Variants in ARL8B observed in about 807,000 individuals in gnomAD.
ARL8B encodes ADP-ribosylation factor-like protein 8B.
A neutral mutation model predicts 30.6 loss-of-function variants in ARL8B; 9 were observed. That is an observed-to-expected ratio of 0.29 (90% confidence interval 0.18 to 0.51). The LOEUF (loss-of-function observed/expected upper bound fraction) is 0.51, where lower values mean the gene tolerates loss of function less well. ARL8B is among the 20% of genes least tolerant of loss of function. The pLI is 0.97. For synonymous variants in ARL8B, 74 were observed against 76.0 expected (o/e 0.97, Z 0.14); for missense variants, 130 against 227.2 (o/e 0.57, Z 2.75).
chr3:5,140,001 T>TC (rs1205781537), intron 1 of ARL8B, among the ~76,000 whole-genome samples: 2 of 151,460 alleles, frequency 1.3e-5, no homozygotes, highest in Non-Finnish European at 2.9e-5. Context: ...TTTTTTTTTT[T>TC]TTTGAGACGG....
chr3:5,122,506 C>T lies in ARL8B; in HGVS notation c.41C>T (p.Ser14Leu). ...LISRLLDWFR[S>L]LFWKEEMELT... ...TCCCGCCTGCTGGACTGGTTCCGTTCGCTCTTCTGGAAGGAAGAGATGGAG... is the reference window on the plus strand; with the variant it reads ...TCCCGCCTGCTGGACTGGTTCCGTTTGCTCTTCTGGAAGGAAGAGATGGAG... The change falls in exon 1 of 7, where the codon TCG (serine) becomes TTG (leucine). Residue 14 changes from serine (S) to leucine (L), a missense_variant. By Grantham distance (145) the Ser-to-Leu change is moderately radical. Coordinates refer to ENST00000256496, the MANE Select transcript of ARL8B (RefSeq NM_018184.3). The T allele has an allele frequency of 6.2e-7, 1 of 1,613,752 alleles. No homozygotes were observed. The highest frequency in any genetic ancestry group is 8.5e-7 in the Non-Finnish European group (1 of 1,179,810).
intron 1 of ARL8B, among the ~76,000 whole-genome samples, chr3:5,142,203 A>G (rs1014461010): frequency 6.6e-6 from 1 of 152,148 alleles, no homozygotes; most frequent in African/African-American, 2.4e-5. Flanking sequence ...AGCCTGGGGT[A>G]TATGGAGAGC....
At chr3:5,172,571 T>C in intron 3 of ARL8B, 76 bp from the exon 4 acceptor site, 1 of 1,012,574 alleles carries the variant, frequency 9.9e-7, no homozygotes, top group Admixed American at 2.2e-5. Context: ...CTTACAAAAA[T>C]TAAAAATCAA....
intron 1 of ARL8B, among the ~76,000 whole-genome samples, chr3:5,140,182 G>A (rs1006574377): frequency 1.3e-5 from 2 of 151,992 alleles, no homozygotes; most frequent in African/African-American, 2.4e-5. Context: ...TTCTGGTATG[G>A]TTTTGCTGGG....
chr3:5,170,641 T>C lies in ARL8B; in HGVS notation c.204+58T>C, dbSNP rs563477272. On this transcript the variant is annotated intron_variant, in intron 2 of 6. Transcript: ENST00000256496. ...TGTTAGCACAGACCCCTAGAAATTT[T>C]TCTGTTAAATTTCTGTGTTTTTACT... 1.8e-3 allele frequency: 2,327 copies of C among 1,312,026 alleles called. 12 individuals carry two copies. The highest frequency in any genetic ancestry group is 2.3e-3 in the South Asian group (178 of 75,852). The allele number at this position is 1,312,026 out of a possible 1,614,324, so 81.3% of individuals were successfully genotyped here.
intron 1 of ARL8B, among the ~76,000 whole-genome samples, chr3:5,154,714 A>C (rs1187895149): frequency 4.6e-5 from 7 of 151,668 alleles, no homozygotes; most frequent in Non-Finnish European, 1.0e-4. Context: ...AGCAACCACT[A>C]TTCTACATTC....
chr3:5,158,443 A>G (rs200284574), intron 1 of ARL8B, among the ~76,000 whole-genome samples: 2 of 152,322 alleles, frequency 1.3e-5, no homozygotes, highest in African/African-American at 2.4e-5. Flanking sequence ...AAAATGCTGT[A>G]TGTGTTTTAA....
chr3:5,126,837 C>G (rs2054233729), intron 1 of ARL8B, among the ~76,000 whole-genome samples: 1 of 152,092 alleles, frequency 6.6e-6, no homozygotes, highest in African/African-American at 2.4e-5. Context: ...AAGTCATGTG[C>G]CTATATGTGT....
chr3:5,173,951 A>G (rs1375748001), intron 4 of ARL8B, 66 bp from the exon 5 acceptor site: 3 of 1,172,874 alleles, frequency 2.6e-6, no homozygotes, highest in Non-Finnish European at 3.8e-6. Context: ...TCACATATCA[A>G]GATGATAAAC....
At chr3:5,136,039 C>T (rs2054322828) in intron 1 of ARL8B, among the ~76,000 whole-genome samples, 3 of 151,700 alleles carry the variant, frequency 2.0e-5, no homozygotes, top group South Asian at 2.1e-4. Context: ...CCACCCGCCT[C>T]GGCCTCCCAA....
At position 5,174,336 on chromosome 3, in the gene ARL8B, TCTC is replaced by T; in HGVS notation, c.441-7_441-5del. On this transcript the variant is annotated splice_region_variant and splice_polypyrimidine_tract_variant and intron_variant, in intron 5 of 6. Coordinates refer to ENST00000256496, the MANE Select transcript of ARL8B (RefSeq NM_018184.3). Reference sequence around the variant, plus strand: ...AGCACAGACTTATCCTTTTAATTCTTCTCATAGGAATCTGTCTGCTATTCAGGA... The same window carrying T: ...AGCACAGACTTATCCTTTTAATTCTTATAGGAATCTGTCTGCTATTCAGGA... The T allele has an allele frequency of 3.2e-6, 5 of 1,585,998 alleles. No individual in the cohort carries two copies. Among genetic ancestry groups the T allele is most frequent in the Non-Finnish European group, 3.5e-6 (4 of 1,154,872 alleles).
At chr3:5,142,664 C>A (rs1263346888) in intron 1 of ARL8B, among the ~76,000 whole-genome samples, 1 of 152,092 alleles carries the variant, frequency 6.6e-6, no homozygotes. Context: ...ATTATTTTTA[C>A]CTTTTAGGGT....
chr3:5,159,296 T>TAAAA (rs1354068288), intron 1 of ARL8B, among the ~76,000 whole-genome samples: 1 of 45,156 alleles, frequency 2.2e-5, no homozygotes, highest in African/African-American at 1.5e-4. Flanking sequence ...TGACTCTGTC[T>TAAAA]CAAAAAAAAA....
chr3:5,141,179 CCTT>C (rs2054370609), intron 1 of ARL8B, among the ~76,000 whole-genome samples: 1 of 152,176 alleles, frequency 6.6e-6, no homozygotes, highest in Admixed American at 6.5e-5. Context: ...CTTATCATGA[CCTT>C]CTGGGTGCAT....
At position 5,170,452 on chromosome 3, in the gene ARL8B, C is replaced by T. The variant is rs189615569; in HGVS notation, c.124-51C>T. The T allele has an allele frequency of 2.2e-4, 267 of 1,215,314 alleles. 1 individual carries two copies. The African/African-American group carries it at 3.9e-3, about 18-fold the overall frequency. The allele number at this position is 1,215,314 out of a possible 1,614,324, so 75.3% of individuals were successfully genotyped here. Reference sequence around the variant, plus strand: ...GCAATGTTGATATTAGAAGTTTATGCAGTGTCATTATAAGTGAGTAGCCTA... The same window carrying T: ...GCAATGTTGATATTAGAAGTTTATGTAGTGTCATTATAAGTGAGTAGCCTA... On this transcript the variant is annotated intron_variant, in intron 1 of 6. Transcript: ENST00000256496.
intron 1 of ARL8B, among the ~76,000 whole-genome samples, chr3:5,124,937 G>C (rs2054217820): frequency 1.3e-5 from 2 of 152,210 alleles, no homozygotes; most frequent in African/African-American, 4.8e-5. Flanking sequence ...AATACAGCCA[G>C]TTGTATTTGT....
intron 1 of ARL8B, among the ~76,000 whole-genome samples, chr3:5,154,934 T>C (rs568429038): frequency 1.4e-4 from 21 of 152,298 alleles, no homozygotes; most frequent in Non-Finnish European, 2.5e-4. Flanking sequence ...GTGTTTTCAC[T>C]ATGTTGGCCA....
chr3:5,133,347 G>A (rs1020394459), intron 1 of ARL8B, among the ~76,000 whole-genome samples: 1 of 152,178 alleles, frequency 6.6e-6, no homozygotes, highest in African/African-American at 2.4e-5. Context: ...CAGCAATATA[G>A]AGACCATCCG....
At chr3:5,178,635 A>G in intron 6 of ARL8B, 29 bp from the exon 7 acceptor site, 4 of 1,584,414 alleles carry the variant, frequency 2.5e-6, no homozygotes, top group Non-Finnish European at 3.4e-6. Flanking sequence ...TTTAACTTTA[A>G]TGTCTTCACT....
Sources: allele counts gnomAD v4.1 joint callset (sites outside exome capture counted in the v4.1 genomes callset), GRCh38; gene constraint gnomAD v4.1.1; transcripts MANE v1.5; gene names NCBI Gene and HGNC (gene_info 2026-07-23, HGNC 2026-07-21).